The following NFATC3 variants were observed in gnomAD, a reference collection of about 807,000 sequenced individuals.
NFATC3 encodes nuclear factor of activated T cells 3, also known as nuclear factor of activated T-cells, cytoplasmic 3.
Under a neutral mutation model 98.6 loss-of-function variants are expected in NFATC3, and 46 were observed. The ratio of observed to expected loss-of-function variants is 0.47; its 90% CI spans 0.37 to 0.60. The LOEUF (loss-of-function observed/expected upper bound fraction) is 0.60. NFATC3 is among the 20% of genes least tolerant of loss of function. The pLI is 0.00. For synonymous variants in NFATC3, 512 were observed against 472.2 expected (o/e 1.08, Z -1.09); for missense variants, 1,256 against 1,295.5 (o/e 0.97, Z 0.47).
chr16:68,159,899 G>A (rs957421174), intron 4 of NFATC3, among the ~76,000 whole-genome samples: 37 of 150,802 alleles, frequency 2.5e-4, no homozygotes, highest in African/African-American at 9.0e-4. Context: ...CCAACATGGT[G>A]AAACCCGTCT....
In NFATC3 at chr16:68,085,614, TGCTGCCGCCGCTTGCC is replaced by T. The variant is rs1181850926; in HGVS notation, c.-56_-41del. On this transcript the variant is annotated 5_prime_UTR_variant, in exon 1 of 10. Coordinates refer to ENST00000346183, the MANE Select transcript of NFATC3 (RefSeq NM_173165.3). The stretch of plus-strand genomic sequence containing the variant: ...CCGGCATGAAGCGGCGTTGAGGAGC[TGCTGCCGCCGCTTGCC>T]GCTGCCGCCGCCGCCGCCTGAGGAG... 2.4e-5 allele frequency: 33 copies of T among 1,380,200 alleles called. No homozygotes were observed. In the Middle Eastern group the frequency reaches 1.2e-3, roughly 51 times the overall value. The allele number at this position is 1,380,200 out of a possible 1,614,324, so 85.5% of individuals were successfully genotyped here. A position where few individuals can be genotyped will look rare whatever the true frequency, so the allele number is the denominator to read the frequency against.
chr16:68,123,028 C>T lies in NFATC3; in HGVS notation c.1145C>T (p.Pro382Leu), dbSNP rs1268301927. ...GATGATGGCCTTGGATCTCAGTATC[C>T]TTTAAAGAAAGATTCATGTGGTGAT... ...SIDDGLGSQY[P>L]LKKDSCGDQF... The change falls in exon 2 of 10, where the codon CCT (proline) becomes CTT (leucine). Residue 382 changes from proline to leucine, a missense_variant. Pro to Leu is a moderately conservative substitution (Grantham distance 98). This residue lies in a region of NFATC3 where 464 missense variants were observed against 465.7 expected (regional missense o/e 1.00). Coordinates refer to ENST00000346183, the MANE Select transcript of NFATC3 (RefSeq NM_173165.3). 2 of 1,613,698 alleles carry T rather than the reference C, an allele frequency of 1.2e-6. No homozygotes were observed. Among genetic ancestry groups the T allele is most frequent in the South Asian group, 1.1e-5 (1 of 91,086 alleles).
At chr16:68,093,826 C>G (rs969532815) in intron 1 of NFATC3, among the ~76,000 whole-genome samples, 3 of 152,126 alleles carry the variant, frequency 2.0e-5, no homozygotes, top group Non-Finnish European at 4.4e-5. Flanking sequence ...TGCCTCTTGC[C>G]TTGCTATTCT....
At chr16:68,197,131 A>G (rs1270111215) in intron 9 of NFATC3, among the ~76,000 whole-genome samples, 1 of 151,996 alleles carries the variant, frequency 6.6e-6, no homozygotes, top group African/African-American at 2.4e-5. Context: ...TTTTGTAGAG[A>G]TGAAATCTTG....
chr16:68,086,806 T>C lies in NFATC3; in HGVS notation c.103+1022T>C, dbSNP rs1247115035. On this transcript the variant is annotated intron_variant, in intron 1 of 9. Transcript: ENST00000346183. ...ATGAGGATTCTCTAGGCGGTACTTATTTTATCGGTCCTTTTAGTCTTCATA... is the reference window on the plus strand; with the variant it reads ...ATGAGGATTCTCTAGGCGGTACTTACTTTATCGGTCCTTTTAGTCTTCATA... 7.1e-6 allele frequency: 7 copies of C among 984,462 alleles called. No homozygotes were observed. In the South Asian group the frequency reaches 2.8e-4, roughly 40 times the overall value. The allele number at this position is 984,462 out of a possible 1,614,324, so 61.0% of individuals were successfully genotyped here.
intron 9 of NFATC3, among the ~76,000 whole-genome samples, chr16:68,207,384 T>C (rs2041192584): frequency 1.3e-5 from 2 of 152,196 alleles, no homozygotes; most frequent in Non-Finnish European, 2.9e-5. Flanking sequence ...AACACTGGCA[T>C]ACATACTGTT....
chr16:68,195,488 A>G (rs752374764), intron 9 of NFATC3, among the ~76,000 whole-genome samples: 3 of 151,944 alleles, frequency 2.0e-5, no homozygotes, highest in Non-Finnish European at 4.4e-5. Context: ...TTGCCAATAT[A>G]GTGAGACCCT....
intron 9 of NFATC3, among the ~76,000 whole-genome samples, chr16:68,203,314 A>G (rs1302547718): frequency 3.9e-5 from 6 of 152,174 alleles, no homozygotes; most frequent in South Asian, 2.1e-4. Flanking sequence ...TCTGAACAAA[A>G]AATTTATTTT....
rs183207953 is a variant in NFATC3 at position 68,112,690 on chromosome 16, C to T, written c.104-9297C>T. Among the ~76,000 whole-genome samples, 635 of 113,686 alleles carry T rather than the reference C, an allele frequency of 5.6e-3. 6 individuals carry two copies. The highest frequency in any genetic ancestry group is 0.02 in the African/African-American group (580 of 28,614). 74.6% of individuals were successfully genotyped at this position (113,686 alleles called of 152,430 possible). Reference sequence around the variant, plus strand: ...TTTTTGAGACGGAGTCTCGCTCTGTCGCCCAGGCCGGACTGCGGACTGCAG... The same window carrying T: ...TTTTTGAGACGGAGTCTCGCTCTGTTGCCCAGGCCGGACTGCGGACTGCAG... On this transcript the variant is annotated intron_variant, in intron 1 of 9. Coordinates refer to ENST00000346183, the MANE Select transcript of NFATC3 (RefSeq NM_173165.3).
At chr16:68,214,550 C>G (rs939493518) in intron 9 of NFATC3, 24 of 751,744 alleles carry the variant, frequency 3.2e-5, no homozygotes, top group Admixed American at 8.7e-5. Flanking sequence ...TCTGGTAGGC[C>G]CACTCATTAT....
Position 68,158,369 on chromosome 16 carries a change from T to TA in NFATC3, c.1601+304dup, listed in dbSNP as rs1462482044. Among the ~76,000 whole-genome samples the TA allele has an allele frequency of 5.3e-5, 8 of 152,206 alleles. 1 individual carries two copies. The South Asian group carries it at 1.7e-3, about 32-fold the overall frequency. ...TCTATCTAATAGGGTAGACAATAAA[T>TA]AAACAATTATGATACAATTATGATT... On this transcript the variant is annotated intron_variant, in intron 4 of 9. Transcript: ENST00000346183.
intron 9 of NFATC3, chr16:68,221,734 C>T: frequency 2.2e-6 from 1 of 449,120 alleles, no homozygotes; most frequent in Non-Finnish European, 2.9e-6. Flanking sequence ...TCTTAAAATC[C>T]TAAACTGTCA....
At chr16:68,112,380 C>T (rs1023171414) in intron 1 of NFATC3, among the ~76,000 whole-genome samples, 8 of 144,700 alleles carry the variant, frequency 5.5e-5, no homozygotes, top group African/African-American at 5.1e-5. Flanking sequence ...TGGGTTCAAG[C>T]GATCCTTCTG....
At chr16:68,117,176 A>C (rs892197485) in intron 1 of NFATC3, among the ~76,000 whole-genome samples, 1 of 152,314 alleles carries the variant, frequency 6.6e-6, no homozygotes, top group African/African-American at 2.4e-5. Flanking sequence ...TTGAGTGTTC[A>C]GAGGCTTGTT....
chr16:68,086,539 T>C (rs1187553142), intron 1 of NFATC3: 2 of 550,218 alleles, frequency 3.6e-6, no homozygotes, highest in African/African-American at 4.1e-5. Flanking sequence ...GTCAGACCAA[T>C]CAGGAAATAG....
intron 3 of NFATC3, among the ~76,000 whole-genome samples, chr16:68,136,942 C>T (rs979065713): frequency 5.9e-5 from 9 of 151,984 alleles, no homozygotes; most frequent in African/African-American, 2.2e-4. Flanking sequence ...TGAATAGAGC[C>T]CTTACCATTA....
intron 8 of NFATC3, among the ~76,000 whole-genome samples, chr16:68,184,004 CA>C (rs34341175): frequency 0.043 from 2,693 of 62,292 alleles, 26 homozygotes; most frequent in Admixed American, 0.08. Flanking sequence ...AACTCCGTCA[CA>C]AAAAAAAAAA....
chr16:68,225,026 C>T (rs2041995976), intron 9 of NFATC3: 1 of 152,152 alleles, frequency 6.6e-6, no homozygotes, highest in African/African-American at 2.4e-5. Flanking sequence ...AATCTCGGCT[C>T]ACCGCAACCT....
intron 4 of NFATC3, among the ~76,000 whole-genome samples, chr16:68,163,216 C>T (rs1417056215): frequency 1.3e-5 from 2 of 152,098 alleles, no homozygotes; most frequent in African/African-American, 4.8e-5. Context: ...ACAAAACCGC[C>T]ATTGTCATCA....
Sources: gnomAD v4.1 joint callset for allele counts (sites outside exome capture counted in the v4.1 genomes callset) on GRCh38, gnomAD v4.1.1 for gene constraint, gnomAD v4.1.1 regional missense constraint, MANE v1.5 for transcripts, NCBI Gene and HGNC (gene_info 2026-07-23, HGNC 2026-07-21) for gene names.